The following KDM3B variants were observed in gnomAD, a reference collection of about 807,000 sequenced individuals.
KDM3B encodes the protein lysine-specific demethylase 3B.
KDM3B carries 10 observed loss-of-function variants against 170.0 expected under a neutral mutation model. That is an observed-to-expected ratio of 0.06 (90% CI 0.04 to 0.10). The LOEUF (loss-of-function observed/expected upper bound fraction) is 0.10. KDM3B is among the 10% of genes least tolerant of loss of function. The pLI is 1.00. For synonymous variants in KDM3B, 831 were observed against 834.8 expected (o/e 1.00, Z 0.08); for missense variants, 1,394 against 2,195.2 (o/e 0.64, Z 7.29).
intron 14 of KDM3B, among the ~76,000 whole-genome samples, chr5:138,419,818 A>G (rs1474965589): frequency 6.6e-6 from 1 of 151,274 alleles, no homozygotes; most frequent in Non-Finnish European, 1.5e-5. Flanking sequence ...GAACTTCTCT[A>G]AAAAGGCAGA....
chr5:138,403,631 C>T (rs1396588915), intron 11 of KDM3B, among the ~76,000 whole-genome samples: 4 of 149,602 alleles, frequency 2.7e-5, no homozygotes, highest in African/African-American at 7.4e-5. Context: ...GAGCCAAGAT[C>T]GTGCCATTGC....
At chr5:138,374,392 G>T in intron 2 of KDM3B, 1 of 346,158 alleles carries the variant, frequency 2.9e-6, no homozygotes, top group South Asian at 2.1e-5. Context: ...CCGAGTAACT[G>T]GGATTACAGG....
At chr5:138,375,241 T>C (rs1430007983) in intron 3 of KDM3B, 35 bp downstream of exon 3, 1 of 1,322,276 alleles carries the variant, frequency 7.6e-7, no homozygotes, top group Non-Finnish European at 1.1e-6. Flanking sequence ...GAGCCTATTA[T>C]TTTTTTCGCT....
Position 138,372,850 on chromosome 5 carries a change from C to G in KDM3B, c.360+9C>G. The stretch of plus-strand genomic sequence containing the variant: ...CACAATGGCCAGCCCTGGTGAGTGG[C>G]TTTTACTGGGTGGGAACATGTCTGA... On this transcript the variant is annotated intron_variant, in intron 2 of 23. Transcript: ENST00000314358. The G allele has an allele frequency of 6.2e-7, 1 of 1,610,462 alleles. No individual in the cohort carries two copies. The highest frequency in any genetic ancestry group is 8.5e-7 in the Non-Finnish European group (1 of 1,178,024).
At chr5:138,354,991 G>A (rs1321536761) in intron 1 of KDM3B, among the ~76,000 whole-genome samples, 2 of 152,176 alleles carry the variant, frequency 1.3e-5, no homozygotes, top group East Asian at 1.9e-4. Context: ...AGTGTAGGAT[G>A]AGAATGGGCC....
intron 21 of KDM3B, 93 bp from the exon 22 acceptor site, chr5:138,430,156 C>T: frequency 6.9e-7 from 1 of 1,444,442 alleles, no homozygotes; most frequent in Non-Finnish European, 9.4e-7. Flanking sequence ...TTTTGCCATC[C>T]CCACCCCATC....
chr5:138,402,096 T>A (rs772754633), intron 11 of KDM3B, among the ~76,000 whole-genome samples: 16 of 151,790 alleles, frequency 1.1e-4, no homozygotes, highest in Non-Finnish European at 2.2e-4. Context: ...GCCCAGCTAA[T>A]TTTTTTTGGT....
At chr5:138,369,641 A>G (rs1368462254) in intron 1 of KDM3B, among the ~76,000 whole-genome samples, 2 of 152,174 alleles carry the variant, frequency 1.3e-5, no homozygotes, top group South Asian at 2.1e-4. Flanking sequence ...AGTGTGTTAA[A>G]TAGGTCCTGA....
chr5:138,375,828 C>T (rs1761985247), intron 3 of KDM3B, among the ~76,000 whole-genome samples: 1 of 152,024 alleles, frequency 6.6e-6, no homozygotes, highest in Non-Finnish European at 1.5e-5. Flanking sequence ...AGGCATGTGC[C>T]ACCACACCCA....
intron 23 of KDM3B, among the ~76,000 whole-genome samples, chr5:138,433,774 C>T (rs1323962839): frequency 1.3e-5 from 2 of 151,584 alleles, no homozygotes; most frequent in African/African-American, 2.4e-5. Context: ...AGTCCCGCTC[C>T]GTTGCCCACG....
chr5:138,392,244 G>A lies in KDM3B; in HGVS notation c.2612G>A (p.Arg871Gln), dbSNP rs1361860336. The A allele has an allele frequency of 6.7e-7, 1 of 1,496,372 alleles. No homozygotes were observed. The highest frequency in any genetic ancestry group is 2.3e-5 in the Admixed American group (1 of 43,766). 92.7% of individuals were successfully genotyped at this position (1,496,372 alleles called of 1,614,324 possible). A position where few individuals can be genotyped will look rare whatever the true frequency, so the allele number is the denominator to read the frequency against. The change falls in exon 8 of 24, where the codon CGG (arginine) becomes CAG (glutamine). Residue 871 changes from arginine (R) to glutamine (Q), a missense_variant. Arg to Gln is a conservative substitution (Grantham distance 43, BLOSUM62 1). Coordinates refer to ENST00000314358, the MANE Select transcript of KDM3B (RefSeq NM_016604.4). The part of the protein sequence containing the change: ...KGKQAPKGRP[R>Q]TAPLKVGQSV... The stretch of plus-strand genomic sequence containing the variant: ...AAGCAGGCCCCCAAGGGCCGGCCTC[G>A]GACTGCCCCCCTGAAAGGTGATCCT...
At chr5:138,372,338 T>A (rs1761895760) in intron 1 of KDM3B, among the ~76,000 whole-genome samples, 1 of 152,192 alleles carries the variant, frequency 6.6e-6, no homozygotes, top group Admixed American at 6.5e-5. Context: ...CTGAACCTAG[T>A]ATAGTACCTT....
intron 1 of KDM3B, among the ~76,000 whole-genome samples, chr5:138,361,786 C>A (rs1358181272): frequency 2.0e-5 from 3 of 152,134 alleles, no homozygotes; most frequent in Admixed American, 6.5e-5. Context: ...CTTTCTGATT[C>A]CCCAGCATGT....
chr5:138,430,085 C>T (rs1023754419), intron 21 of KDM3B, 120 bp downstream of exon 21: 1 of 1,411,422 alleles, frequency 7.1e-7, no homozygotes. Context: ...GGCCATGATA[C>T]CTCTGGTGGA....
intron 4 of KDM3B, among the ~76,000 whole-genome samples, chr5:138,378,264 CAG>C (rs1288480482): frequency 1.3e-5 from 2 of 152,098 alleles, no homozygotes; most frequent in Non-Finnish European, 2.9e-5. Flanking sequence ...ATGTACTAGA[CAG>C]TGTTAAGGCA....
chr5:138,405,553 C>T (rs1762796680), intron 11 of KDM3B, among the ~76,000 whole-genome samples: 1 of 151,104 alleles, frequency 6.6e-6, no homozygotes, highest in South Asian at 2.1e-4. Flanking sequence ...TTTTCTCAAA[C>T]CAAGAAAAGC....
intron 1 of KDM3B, among the ~76,000 whole-genome samples, chr5:138,360,783 G>C (rs1761588155): frequency 6.6e-6 from 1 of 151,984 alleles, no homozygotes; most frequent in Admixed American, 6.6e-5. Flanking sequence ...ATAGAGACAG[G>C]GTTTTACCAT....
In KDM3B at chr5:138,398,231, A is replaced by G; in HGVS notation, c.2885A>G (p.Gln962Arg). The G allele has an allele frequency of 1.2e-6, 2 of 1,614,164 alleles. No individual in the cohort carries two copies. The highest frequency in any genetic ancestry group is 1.7e-6 in the Non-Finnish European group (2 of 1,180,014). Residue 962 changes from glutamine to arginine, a missense_variant, in exon 10 of 24, where the codon CAG (glutamine) becomes CGG (arginine). Around this residue, in one of 19 missense-constraint regions of KDM3B, gnomAD observed 76 missense variants for 190.2 expected, o/e 0.40. Coordinates refer to ENST00000314358, the MANE Select transcript of KDM3B (RefSeq NM_016604.4). ...VLRVEGFLSP[Q>R]QSDPDAMNLW... ...CGTGTGGAGGGGTTTTTAAGCCCCC[A>G]GCAAAGTGACCCTGATGCCATGAAC...
chr5:138,431,698 G>T, intron 23 of KDM3B, 139 bp downstream of exon 23: 2 of 782,884 alleles, frequency 2.6e-6, no homozygotes, highest in South Asian at 3.6e-5. Flanking sequence ...GAAGAAGTTT[G>T]GGGATATGGA....
Sources: gnomAD v4.1 joint callset for allele counts (sites outside exome capture counted in the v4.1 genomes callset) on GRCh38, gnomAD v4.1.1 for gene constraint, gnomAD v4.1.1 regional missense constraint, MANE v1.5 for transcripts, NCBI Gene and HGNC (gene_info 2026-07-23, HGNC 2026-07-21) for gene names.